The following POFUT3 variants were observed in gnomAD, a reference collection of about 807,000 sequenced individuals.
POFUT3 encodes protein O-fucosyltransferase 3.
the POFUT3 span, among the ~76,000 whole-genome samples, chr8:33,457,128 A>C: frequency 6.6e-6 from 1 of 152,044 alleles, no homozygotes; most frequent in South Asian, 2.1e-4. Context: ...ACCAAATGCA[A>C]TGTATAGGTT....
At chr8:33,317,441 T>C in the POFUT3 span, among the ~76,000 whole-genome samples, 1 of 152,114 alleles carries the variant, frequency 6.6e-6, no homozygotes, top group African/African-American at 2.4e-5. Context: ...TTCACTTCCA[T>C]AGCCAATCAG....
the POFUT3 span, chr8:33,461,798 A>G: frequency 2.0e-6 from 1 of 509,426 alleles, no homozygotes; most frequent in African/African-American, 2.0e-5. Flanking sequence ...GTGATCATGA[A>G]AAAACATAGA....
At chr8:33,456,772 T>C in the POFUT3 span, among the ~76,000 whole-genome samples, 3 of 17,496 alleles carry the variant, frequency 1.7e-4, no homozygotes, top group Admixed American at 7.1e-4. Flanking sequence ...TTCTTTTTTC[T>C]TTTTTTTTTT....
chr8:33,336,963 T>G, the POFUT3 span, among the ~76,000 whole-genome samples: 1 of 152,094 alleles, frequency 6.6e-6, no homozygotes, highest in Non-Finnish European at 1.5e-5. Flanking sequence ...AACCAGAATA[T>G]TAGGGGAAAA....
At chr8:33,348,534 G>A in the POFUT3 span, among the ~76,000 whole-genome samples, 1 of 152,190 alleles carries the variant, frequency 6.6e-6, no homozygotes, top group African/African-American at 2.4e-5. Context: ...GGAATGGGTT[G>A]TACCACTTCC....
At chr8:33,334,766 T>C in the POFUT3 span, among the ~76,000 whole-genome samples, 1 of 152,194 alleles carries the variant, frequency 6.6e-6, no homozygotes, top group African/African-American at 2.4e-5. Flanking sequence ...CTGCTTTCTG[T>C]CAGATAACTT....
the POFUT3 span, among the ~76,000 whole-genome samples, chr8:33,345,250 A>G: frequency 8.5e-4 from 129 of 152,248 alleles, 1 homozygote; most frequent in South Asian, 1.7e-3. Context: ...AAAAAGAGCA[A>G]TGCTACTATA....
chr8:33,412,819 G>A, the POFUT3 span, among the ~76,000 whole-genome samples: 2 of 152,272 alleles, frequency 1.3e-5, no homozygotes, highest in Admixed American at 6.5e-5. Context: ...GTAGAAACGA[G>A]GTTTTGCCAT....
the POFUT3 span, among the ~76,000 whole-genome samples, chr8:33,442,299 TTGG>T: frequency 7.5e-6 from 1 of 133,288 alleles, no homozygotes. Flanking sequence ...TCTTTTTTTT[TTGG>T]GGGGGGACAG....
the POFUT3 span, among the ~76,000 whole-genome samples, chr8:33,420,023 G>A: frequency 2.2e-4 from 33 of 152,144 alleles, no homozygotes; most frequent in African/African-American, 7.0e-4. Flanking sequence ...AGCCTCTCTC[G>A]AGGCTGAGGT....
At chr8:33,311,768 G>A in the POFUT3 span, among the ~76,000 whole-genome samples, 1 of 152,070 alleles carries the variant, frequency 6.6e-6, no homozygotes, top group South Asian at 2.1e-4. Context: ...ATTCATTCAA[G>A]CTTCAGATGC....
chr8:33,387,173 G>A, the POFUT3 span, among the ~76,000 whole-genome samples: 1 of 152,116 alleles, frequency 6.6e-6, no homozygotes, highest in African/African-American at 2.4e-5. Context: ...GAAGCCATCA[G>A]AAATCAGGAA....
At chr8:33,366,179 T>C in the POFUT3 span, among the ~76,000 whole-genome samples, 4 of 152,190 alleles carry the variant, frequency 2.6e-5, no homozygotes, top group African/African-American at 9.6e-5. Context: ...ACACTGCATG[T>C]TCTCACCCAT....
the POFUT3 span, among the ~76,000 whole-genome samples, chr8:33,311,291 T>C: frequency 6.6e-6 from 1 of 152,226 alleles, no homozygotes; most frequent in Non-Finnish European, 1.5e-5. Context: ...AATCAGTAAT[T>C]GACAGAGGTC....
At chr8:33,435,306 C>T in the POFUT3 span, among the ~76,000 whole-genome samples, 2 of 151,766 alleles carry the variant, frequency 1.3e-5, no homozygotes, top group African/African-American at 4.8e-5. Flanking sequence ...CAACTGCCAC[C>T]TCCCAGGTTC....
At chr8:33,344,198 T>TC in the POFUT3 span, among the ~76,000 whole-genome samples, 1 of 152,140 alleles carries the variant, frequency 6.6e-6, no homozygotes, top group Admixed American at 6.5e-5. Context: ...TGTGCCTTTT[T>TC]CTCCTATTTA....
the POFUT3 span, among the ~76,000 whole-genome samples, chr8:33,469,333 AC>A: frequency 6.6e-6 from 1 of 152,160 alleles, no homozygotes; most frequent in Non-Finnish European, 1.5e-5. Context: ...AAAAACAAAA[AC>A]AAAAATCTGT....
chr8:33,448,432 T>C, the POFUT3 span, among the ~76,000 whole-genome samples: 1 of 151,838 alleles, frequency 6.6e-6, no homozygotes, highest in Non-Finnish European at 1.5e-5. Context: ...TGAGATCCTG[T>C]CTCCAAAACA....
At chr8:33,392,540 C>T in the POFUT3 span, among the ~76,000 whole-genome samples, 3 of 151,914 alleles carry the variant, frequency 2.0e-5, no homozygotes, top group Admixed American at 6.6e-5. Context: ...GATCACATCA[C>T]GATACTTCAG....
Sources: gnomAD v4.1 joint callset for allele counts (sites outside exome capture counted in the v4.1 genomes callset) on GRCh38, gnomAD v4.1.1 for gene constraint, MANE v1.5 for transcripts, NCBI Gene and HGNC (gene_info 2026-07-23, HGNC 2026-07-21) for gene names.